The following SRFBP1 variants were observed in gnomAD, a reference collection of about 807,000 sequenced individuals.
The protein encoded by SRFBP1 is serum response factor-binding protein 1.
A neutral mutation model predicts 45.5 loss-of-function variants in SRFBP1; 47 were observed. The observed-to-expected ratio is 1.03, with a 90% CI of 0.82 to 1.32. The LOEUF (loss-of-function observed/expected upper bound fraction) is 1.32, where lower values mean the gene tolerates loss of function less well. Ranked by LOEUF, SRFBP1 falls within the 40% of genes most tolerant of loss-of-function variation. SRFBP1 has a pLI of 0.00. For missense variants in SRFBP1, 621 were observed against 484.6 expected (o/e 1.28, Z -2.64); for synonymous variants, 203 against 166.3 (o/e 1.22, Z -1.70).
downstream of SRFBP1, chr5:122,077,239 G>A (rs1393493042): frequency 1.3e-6 from 2 of 1,517,468 alleles, no homozygotes; most frequent in South Asian, 2.6e-5. The surrounding 1 kb of genome is among the most constrained non-coding windows in gnomAD (Gnocchi z 4.9). Flanking sequence ...AGGCGCGTGG[G>A]GGAGGGATCG....
intron 1 of SRFBP1, 24 bp downstream of exon 1, chr5:121,962,092 G>A: frequency 6.2e-7 from 1 of 1,613,780 alleles, no homozygotes; most frequent in South Asian, 1.1e-5. Context: ...AACCTATGGG[G>A]CTGACTTTAA....
downstream of SRFBP1, among the ~76,000 whole-genome samples, chr5:122,031,550 C>T (rs530765542): frequency 4.2e-4 from 64 of 152,024 alleles, 2 homozygotes; most frequent in South Asian, 0.013. Flanking sequence ...GAAGAAAAGC[C>T]AAAAAGGAAT....
chr5:122,031,113 A>G (rs1292837788), downstream of SRFBP1, among the ~76,000 whole-genome samples: 1 of 152,172 alleles, frequency 6.6e-6, no homozygotes, highest in African/African-American at 2.4e-5. Flanking sequence ...ATACAAAGAG[A>G]AGTATTGATT....
intron 3 of SRFBP1, among the ~76,000 whole-genome samples, chr5:121,986,323 C>T (rs963394117): frequency 4.6e-5 from 7 of 151,842 alleles, no homozygotes; most frequent in Non-Finnish European, 7.4e-5. Context: ...GAGATCATCA[C>T]GGGCTTAAAA....
downstream of SRFBP1, among the ~76,000 whole-genome samples, chr5:122,029,333 A>G (rs1753554807): frequency 6.6e-6 from 1 of 152,162 alleles, no homozygotes; most frequent in Admixed American, 6.5e-5. Flanking sequence ...GTCTATCAGG[A>G]AATCTTTCTG....
chr5:122,077,858 C>T (rs1261175120), downstream of SRFBP1: 2 of 1,539,204 alleles, frequency 1.3e-6, no homozygotes, highest in African/African-American at 1.4e-5. This position sits in a 1 kb window ranked among gnomAD's most constrained non-coding sequence, Gnocchi z 4.9. Context: ...GATCTGCTGG[C>T]GCCAGGCGCC....
intron 2 of SRFBP1, among the ~76,000 whole-genome samples, chr5:122,044,838 G>C (rs1753830355): frequency 6.6e-6 from 1 of 151,638 alleles, no homozygotes; most frequent in African/African-American, 2.4e-5. Flanking sequence ...AGTTTCTTTT[G>C]CTGTGCAAAA....
chr5:121,988,402 A>G (rs1162498309), intron 3 of SRFBP1, among the ~76,000 whole-genome samples: 2 of 152,194 alleles, frequency 1.3e-5, no homozygotes, highest in Non-Finnish European at 2.9e-5. Context: ...ATACTCACAA[A>G]AAGTTTATTA....
intron 2 of SRFBP1, among the ~76,000 whole-genome samples, chr5:122,042,390 C>T (rs569743118): frequency 6.6e-6 from 1 of 152,238 alleles, no homozygotes; most frequent in African/African-American, 2.4e-5. Flanking sequence ...CCTCAGCCTC[C>T]TAAGTAGCTG....
exon 3 of SRFBP1, chr5:122,075,315 G>A: frequency 1.6e-6 from 2 of 1,231,540 alleles, no homozygotes; most frequent in South Asian, 1.8e-5. Context: ...CTCCCTTCAG[G>A]TAAGAAATAA....
At chr5:122,008,019 T>C (rs1256957973) in intron 4 of SRFBP1, among the ~76,000 whole-genome samples, 1 of 152,082 alleles carries the variant, frequency 6.6e-6, no homozygotes, top group Admixed American at 6.5e-5. Context: ...ACCTGGACCC[T>C]GGGGTTTGTA....
At chr5:122,056,798 A>G (rs1447508707) in intron 2 of SRFBP1, among the ~76,000 whole-genome samples, 5 of 152,224 alleles carry the variant, frequency 3.3e-5, no homozygotes, top group African/African-American at 2.4e-5. Flanking sequence ...CTTCAGAGAT[A>G]GAAAGGTAAA....
chr5:122,038,846 A>G (rs568903957), intron 2 of SRFBP1, among the ~76,000 whole-genome samples: 2 of 152,158 alleles, frequency 1.3e-5, no homozygotes, highest in African/African-American at 2.4e-5. Flanking sequence ...TGAATGTTCT[A>G]TCATTAAACG....
At chr5:122,024,548 T>C (rs1467476483) in intron 7 of SRFBP1, among the ~76,000 whole-genome samples, 1 of 152,204 alleles carries the variant, frequency 6.6e-6, no homozygotes, top group East Asian at 1.9e-4. Context: ...TAATGGAAGA[T>C]TGAATGTGAG....
chr5:122,069,768 T>G (rs992779832), intron 2 of SRFBP1, among the ~76,000 whole-genome samples: 1 of 152,050 alleles, frequency 6.6e-6, no homozygotes, highest in South Asian at 2.1e-4. Context: ...ATTGAGCAAT[T>G]TGATATATTG....
intron 2 of SRFBP1, among the ~76,000 whole-genome samples, chr5:122,046,693 T>C (rs1339950801): frequency 1.3e-5 from 2 of 152,214 alleles, no homozygotes; most frequent in Non-Finnish European, 2.9e-5. Flanking sequence ...TTTCTCCACA[T>C]CCTCTCCAGC....
intron 3 of SRFBP1, among the ~76,000 whole-genome samples, chr5:121,982,891 A>C (rs892755002): frequency 6.6e-6 from 1 of 151,716 alleles, no homozygotes; most frequent in Non-Finnish European, 1.5e-5. Flanking sequence ...TAATTCTGGA[A>C]ATTTGAACCT....
intron 3 of SRFBP1, among the ~76,000 whole-genome samples, chr5:121,985,097 A>G (rs191702588): frequency 6.6e-6 from 1 of 151,980 alleles, no homozygotes; most frequent in East Asian, 1.9e-4. Context: ...AGAAATTAAT[A>G]TGGTGTCTGC....
intron 3 of SRFBP1, among the ~76,000 whole-genome samples, chr5:121,992,133 C>A (rs556647514): frequency 2.0e-5 from 3 of 152,228 alleles, no homozygotes; most frequent in African/African-American, 7.2e-5. Flanking sequence ...TATTGTCTTA[C>A]AGTGCTGAAG....
Sources: gnomAD v4.1 joint callset for allele counts (sites outside exome capture counted in the v4.1 genomes callset) on GRCh38, gnomAD v4.1.1 for gene constraint, Gnocchi (gnomAD v3.1) non-coding constraint, MANE v1.5 for transcripts, NCBI Gene and HGNC (gene_info 2026-07-23, HGNC 2026-07-21) for gene names.